Variants in PPP1R13B observed in about 807,000 individuals in gnomAD.
The protein encoded by PPP1R13B is apoptosis-stimulating of p53 protein 1.
PPP1R13B carries 44 observed loss-of-function variants against 119.8 expected under a neutral mutation model. The observed-to-expected ratio is 0.37, with a 90% CI of 0.29 to 0.47. The LOEUF (loss-of-function observed/expected upper bound fraction) is 0.47, where lower values mean the gene tolerates loss of function less well. PPP1R13B is among the 20% of genes least tolerant of loss of function. The probability of loss-of-function intolerance (pLI) is 0.99; values close to 1 mark genes in which losing one functional copy is unlikely to be tolerated. For synonymous variants in PPP1R13B, 542 were observed against 561.5 expected (o/e 0.97, Z 0.49); for missense variants, 1,227 against 1,413.5 (o/e 0.87, Z 2.12).
chr14:103,798,074 C>T (rs571640656), intron 1 of PPP1R13B, among the ~76,000 whole-genome samples: 48 of 151,556 alleles, frequency 3.2e-4, no homozygotes, highest in Middle Eastern at 3.4e-3. Context: ...AATAAAGGTG[C>T]TGTTTCAAAC....
At chr14:103,809,277 A>C (rs1160614751) in intron 1 of PPP1R13B, among the ~76,000 whole-genome samples, 1 of 152,190 alleles carries the variant, frequency 6.6e-6, no homozygotes, top group Non-Finnish European at 1.5e-5. Context: ...TAATAATTTC[A>C]CATTTTAAAT....
chr14:103,847,662 A>T, upstream of PPP1R13B: 2 of 971,288 alleles, frequency 2.1e-6, no homozygotes, highest in Middle Eastern at 5.3e-4. Context: ...GCCCCCTCTG[A>T]TTGGCCCGGT....
Position 103,742,250 on chromosome 14 carries a change from T to C in PPP1R13B, c.1362A>G (p.Val454=), listed in dbSNP as rs762453597. Residue 454 remains valine (V), a synonymous_variant, in exon 11 of 17, where the codon GTA becomes GTG. Transcript: ENST00000202556. This position sits in a 1 kb window ranked among gnomAD's most constrained non-coding sequence, Gnocchi z 4.9. ...CATAGCTTGGAGGCAGCTGCTTGCC[T>C]ACACCCGGGATGGGAGGTGGCACTT... The part of the protein sequence containing the change: ...IGKVPPPIPG[V]GKQLPPSYGT... 19 of 1,584,464 alleles carry C rather than the reference T, an allele frequency of 1.2e-5. No homozygotes were observed. The African/African-American group carries it at 2.1e-4, about 18-fold the overall frequency.
In PPP1R13B at chr14:103,753,973, C is replaced by T. The variant is rs112621653; in HGVS notation, c.631+97G>A. 2.1e-6 allele frequency: 3 copies of T among 1,412,534 alleles called. No homozygotes were observed. The African/African-American group carries it at 4.3e-5, about 20-fold the overall frequency. The allele number at this position is 1,412,534 out of a possible 1,614,324, so 87.5% of individuals were successfully genotyped here. A position where few individuals can be genotyped will look rare whatever the true frequency, so the allele number is the denominator to read the frequency against. ...ACTTGAGCACGCTTGCTATTTAGTC[C>T]TGTGAATTTGTGACTGAATTGTCAG... On this transcript the variant is annotated intron_variant, in intron 6 of 16. Coordinates refer to ENST00000202556, the MANE Select transcript of PPP1R13B (RefSeq NM_015316.3).
At chr14:103,847,015 G>A (rs2087057541) in intron 1 of PPP1R13B, 1 of 1,148,172 alleles carries the variant, frequency 8.7e-7, no homozygotes, top group Admixed American at 4.4e-5. Flanking sequence ...CACCTGAGAG[G>A]ACCGAGGAGA....
At position 103,741,277 on chromosome 14, in the gene PPP1R13B, T is replaced by C. The variant is rs76073858; in HGVS notation, c.1822+513A>G. On this transcript the variant is annotated intron_variant, in intron 11 of 16. Transcript: ENST00000202556. ...TGGTAGGTGTGGAACTAAGCTACCT[T>C]CTCTCAGCTGCCTTCTTAGAACATC... Among the ~76,000 whole-genome samples, 54 of 152,340 alleles carry C rather than the reference T, an allele frequency of 3.5e-4. 2 individuals carry two copies. The East Asian group carries it at 0.01, about 29-fold the overall frequency.
At chr14:103,756,186 C>T (rs926118834) in intron 5 of PPP1R13B, among the ~76,000 whole-genome samples, 1 of 152,008 alleles carries the variant, frequency 6.6e-6, no homozygotes, top group African/African-American at 2.4e-5. Context: ...CCTCCACCGC[C>T]GGCTTCAAGA....
Position 103,839,301 on chromosome 14 carries a change from A to C in PPP1R13B, c.9+7998T>G, listed in dbSNP as rs1419966653. ...TGCTGGGATTACAGGCGTGAGCCAC[A>C]GCACCCAGCCCACTGTGTTTCATTT... On this transcript the variant is annotated intron_variant, in intron 1 of 16. Transcript: ENST00000202556. Among the ~76,000 whole-genome samples the C allele has an allele frequency of 3.3e-5, 5 of 151,698 alleles. No homozygotes were observed. The East Asian group carries it at 9.9e-4, about 30-fold the overall frequency.
At chr14:103,759,793 T>G (rs1449500145) in intron 4 of PPP1R13B, among the ~76,000 whole-genome samples, 1 of 152,202 alleles carries the variant, frequency 6.6e-6, no homozygotes, top group Non-Finnish European at 1.5e-5. Context: ...GGTGTTCTGA[T>G]GTTTATATCT....
chr14:103,847,657 C>G (rs2087093807), upstream of PPP1R13B: 1 of 974,274 alleles, frequency 1.0e-6, no homozygotes, highest in African/African-American at 1.8e-5. Context: ...CCGTAGCCCC[C>G]TCTGATTGGC....
At chr14:103,789,386 T>C (rs541700336) in intron 2 of PPP1R13B, among the ~76,000 whole-genome samples, 1 of 146,812 alleles carries the variant, frequency 6.8e-6, no homozygotes, top group Admixed American at 6.8e-5. Flanking sequence ...ACCCAGCTAT[T>C]TTTGTATTTA....
At chr14:103,818,129 G>A (rs1211249042) in intron 1 of PPP1R13B, among the ~76,000 whole-genome samples, 2 of 152,152 alleles carry the variant, frequency 1.3e-5, no homozygotes, top group Non-Finnish European at 2.9e-5. Flanking sequence ...AAAATCCAAA[G>A]ATTAATGTAC....
intron 2 of PPP1R13B, among the ~76,000 whole-genome samples, chr14:103,788,632 C>T (rs1304281311): frequency 2.0e-5 from 3 of 151,616 alleles, no homozygotes; most frequent in Non-Finnish European, 1.5e-5. Flanking sequence ...GAGGCTACGA[C>T]TGCCATTGCG....
chr14:103,785,629 G>A (rs60050483), intron 2 of PPP1R13B, among the ~76,000 whole-genome samples: 3,349 of 150,512 alleles, frequency 0.022, 113 homozygotes, highest in African/African-American at 0.077. Flanking sequence ...CTCCTGCCTC[G>A]GCCTCCTGAG....
intron 4 of PPP1R13B, among the ~76,000 whole-genome samples, chr14:103,760,736 G>A (rs1026563786): frequency 1.3e-5 from 2 of 152,036 alleles, no homozygotes; most frequent in African/African-American, 4.8e-5. Context: ...CCAGCCTCAC[G>A]GCAACATCAC....
chr14:103,780,373 G>A (rs1032901065), intron 3 of PPP1R13B, among the ~76,000 whole-genome samples: 47 of 148,848 alleles, frequency 3.2e-4, no homozygotes, highest in African/African-American at 1.1e-3. Context: ...TGCGGTCCCA[G>A]CTACTTGGAA....
At chr14:103,752,494 T>A (rs1004444482) in intron 7 of PPP1R13B, among the ~76,000 whole-genome samples, 1 of 151,660 alleles carries the variant, frequency 6.6e-6, no homozygotes, top group African/African-American at 2.4e-5. Flanking sequence ...CTGAATTGTA[T>A]CCTTGAAATG....
chr14:103,734,166 G>A lies in PPP1R13B; in HGVS notation c.*988C>T, dbSNP rs2084028045. On this transcript the variant is annotated 3_prime_UTR_variant, in exon 17 of 17. Transcript: ENST00000202556. ...TGGCCTCACAGCCAGCCCAGGCAGG[G>A]AGATCGGCAGAGAGGGGTGGCCCCT... The A allele has an allele frequency of 4.3e-6, 1 of 231,154 alleles. No homozygotes were observed. The highest frequency in any genetic ancestry group is 8.9e-6 in the Non-Finnish European group (1 of 112,808). The allele number at this position is 231,154 out of a possible 1,614,324, so 14.3% of individuals were successfully genotyped here.
chr14:103,833,883 C>T (rs909924442), intron 1 of PPP1R13B, among the ~76,000 whole-genome samples: 3 of 152,014 alleles, frequency 2.0e-5, no homozygotes, highest in East Asian at 1.9e-4. Flanking sequence ...GTGAGCTCAC[C>T]GAAAGCAATG....
Sources: gnomAD v4.1 joint callset for allele counts (sites outside exome capture counted in the v4.1 genomes callset) on GRCh38, gnomAD v4.1.1 for gene constraint, Gnocchi (gnomAD v3.1) non-coding constraint, MANE v1.5 for transcripts, NCBI Gene and HGNC (gene_info 2026-07-23, HGNC 2026-07-21) for gene names.